The following OCA2 variants were observed in gnomAD, a reference collection of about 807,000 sequenced individuals.
The protein encoded by OCA2 is OCA2 melanosomal transmembrane protein, also known as P protein.
In OCA2, 77 loss-of-function variants were observed where a neutral mutation model predicts 100.2. The observed-to-expected ratio is 0.77, with a 90% CI of 0.64 to 0.93. The LOEUF (loss-of-function observed/expected upper bound fraction) is 0.93, where lower values mean the gene tolerates loss of function less well. Among genes scored for constraint, OCA2 ranks in the 40% least tolerant of loss-of-function variants. The pLI is 0.00. For missense variants in OCA2, 1,062 were observed against 1,089.1 expected, an observed-to-expected ratio of 0.98 and a Z score of 0.35; for synonymous variants, 432 against 439.2, an observed-to-expected ratio of 0.98 and a Z score of 0.21.
At chr15:27,743,101 C>G in the OCA2 span, among the ~76,000 whole-genome samples, 2 of 152,200 alleles carry the variant, frequency 1.3e-5, no homozygotes, top group African/African-American at 4.8e-5. Context: ...CATCTCGCCT[C>G]TTAGCACCCA....
intron 14 of OCA2, among the ~76,000 whole-genome samples, chr15:27,969,301 T>C (rs1178741335): frequency 6.6e-6 from 1 of 151,814 alleles, no homozygotes; most frequent in Non-Finnish European, 1.5e-5. Flanking sequence ...GTGAAGCATT[T>C]GGTTGCTACT....
chr15:27,937,008 T>C (rs941115155), intron 18 of OCA2, among the ~76,000 whole-genome samples: 1 of 152,050 alleles, frequency 6.6e-6, no homozygotes, highest in Non-Finnish European at 1.5e-5. Flanking sequence ...CGCTGCTGAC[T>C]TTCCCCTCCC....
intron 23 of OCA2, among the ~76,000 whole-genome samples, chr15:27,820,325 T>C (rs939519329): frequency 3.3e-5 from 5 of 152,176 alleles, no homozygotes; most frequent in Admixed American, 6.5e-5. Context: ...AACTCTGCAG[T>C]AAAGACACCC....
intron 19 of OCA2, among the ~76,000 whole-genome samples, chr15:27,913,816 G>GAGAA (rs1227102939): frequency 0.1 from 6,545 of 64,114 alleles, 1,008 homozygotes; most frequent in East Asian, 0.37. Flanking sequence ...AAAAAAAAAA[G>GAGAA]AGAAAGAAAG....
chr15:28,005,181 C>G (rs1419100184), intron 9 of OCA2, among the ~76,000 whole-genome samples: 4 of 152,090 alleles, frequency 2.6e-5, no homozygotes, highest in Non-Finnish European at 4.4e-5. Flanking sequence ...CTCAGCACCC[C>G]CACTTCCCCT....
intron 23 of OCA2, among the ~76,000 whole-genome samples, chr15:27,810,626 C>T (rs1603786): frequency 0.7 from 106,356 of 151,726 alleles, 38,123 homozygotes; most frequent in East Asian, 1. Context: ...ACTATGCATC[C>T]GACAAAGGAC....
At chr15:27,763,561 T>C (rs1473380227) in intron 23 of OCA2, among the ~76,000 whole-genome samples, 1 of 152,152 alleles carries the variant, frequency 6.6e-6, no homozygotes, top group African/African-American at 2.4e-5. Flanking sequence ...CACTAGCCAT[T>C]AGGGAAGTGG....
the OCA2 span, among the ~76,000 whole-genome samples, chr15:27,729,413 GT>G: frequency 6.7e-5 from 10 of 148,446 alleles, no homozygotes; most frequent in South Asian, 1.7e-3. Context: ...ATTTTTAGAT[GT>G]TTATTACAGC....
the OCA2 span, among the ~76,000 whole-genome samples, chr15:27,730,732 A>AATATATTTTTATATATAT: frequency 7.8e-5 from 8 of 102,014 alleles, no homozygotes; most frequent in African/African-American, 2.7e-4. Flanking sequence ...AAAAAGACCA[A>AATATATTTTTATATATAT]ATATATATAT....
chr15:27,969,405 G>C (rs541716593), intron 14 of OCA2, among the ~76,000 whole-genome samples: 2 of 152,262 alleles, frequency 1.3e-5, no homozygotes, highest in East Asian at 1.9e-4. Context: ...GTGTGCAGTG[G>C]GATGCAGATG....
chr15:27,976,039 A>G (rs867968438), intron 14 of OCA2, among the ~76,000 whole-genome samples: 173 of 98,034 alleles, frequency 1.8e-3, no homozygotes, highest in African/African-American at 4.9e-3. Context: ...GTTTTGTGCT[A>G]CTGTAAGTGA....
chr15:27,838,542 C>A (rs956465666), intron 23 of OCA2, among the ~76,000 whole-genome samples: 4 of 152,120 alleles, frequency 2.6e-5, no homozygotes, highest in Non-Finnish European at 5.9e-5. Context: ...AAAGAAGATA[C>A]AATGCTACAT....
intron 23 of OCA2, among the ~76,000 whole-genome samples, chr15:27,835,425 C>T (rs1318065806): frequency 6.6e-6 from 1 of 152,170 alleles, no homozygotes; most frequent in East Asian, 1.9e-4. Context: ...CTCTTTGGGC[C>T]CCCACAACCT....
At chr15:27,775,446 C>T (rs2032153809) in intron 23 of OCA2, among the ~76,000 whole-genome samples, 1 of 152,206 alleles carries the variant, frequency 6.6e-6, no homozygotes, top group African/African-American at 2.4e-5. Context: ...AGATTCTCTC[C>T]AGTGTTTTCT....
the OCA2 span, among the ~76,000 whole-genome samples, chr15:27,738,692 G>A: frequency 0.31 from 44,700 of 146,352 alleles, 7,319 homozygotes; most frequent in East Asian, 0.62. Flanking sequence ...CCGAGATCGC[G>A]CCACCGCACT....
chr15:28,029,393 T>C (rs928361615), intron 3 of OCA2, among the ~76,000 whole-genome samples: 3 of 151,930 alleles, frequency 2.0e-5, no homozygotes, highest in African/African-American at 7.3e-5. Flanking sequence ...AAAACACAAC[T>C]GTAACAAAAT....
intron 2 of OCA2, among the ~76,000 whole-genome samples, chr15:28,057,386 A>G (rs2043734909): frequency 6.6e-6 from 1 of 152,136 alleles, no homozygotes; most frequent in Non-Finnish European, 1.5e-5. Context: ...GGCCCTCAAC[A>G]TAATAGCAGC....
intron 1 of OCA2, among the ~76,000 whole-genome samples, chr15:28,094,279 G>T (rs2044927245): frequency 6.6e-6 from 1 of 152,156 alleles, no homozygotes; most frequent in South Asian, 2.1e-4. Flanking sequence ...GCACTCTCAC[G>T]GGAACCACAG....
In OCA2 at chr15:27,796,436, C is replaced by T. The variant is rs115980827; in HGVS notation, c.2433-40964G>A. ...CCCAGGAGACCTGCAGGAAACAGCA[C>T]GTGCTGGGCACTCAGCATCATGCCA... On this transcript the variant is annotated intron_variant, in intron 23 of 23. Transcript: ENST00000354638. 3.0e-3 allele frequency among the ~76,000 whole-genome samples: 452 copies of T among 152,366 alleles called. 6 individuals are homozygous for T. Among genetic ancestry groups the T allele is most frequent in the African/African-American group, 0.01 (427 of 41,604 alleles).
Sources: allele counts gnomAD v4.1 joint callset (sites outside exome capture counted in the v4.1 genomes callset), GRCh38; gene constraint gnomAD v4.1.1; transcripts MANE v1.5; gene names NCBI Gene and HGNC (gene_info 2026-07-23, HGNC 2026-07-21).